FGF12: variants seen among roughly 807,000 people sequenced by gnomAD.
FGF12 encodes fibroblast growth factor 12, also known as fibroblast growth factor 12B.
In FGF12, 14 loss-of-function variants were observed where a neutral mutation model predicts 23.6. That is an observed-to-expected ratio of 0.59 (90% CI 0.39 to 0.93). The LOEUF (loss-of-function observed/expected upper bound fraction) is 0.93. FGF12 is among the 40% of genes least tolerant of loss of function. The pLI, the probability that FGF12 is intolerant of heterozygous loss-of-function variation, is 0.00. For missense variants in FGF12, 175 were observed against 217.8 expected (o/e 0.80, Z 1.24); for synonymous variants, 62 against 77.3 (o/e 0.80, Z 1.04).
intron 4 of FGF12, among the ~76,000 whole-genome samples, chr3:192,199,298 T>C (rs1717238165): frequency 6.6e-6 from 1 of 152,238 alleles, no homozygotes; most frequent in African/African-American, 2.4e-5. Context: ...GTAAGTGTAC[T>C]GAGTTGTGCT....
chr3:192,255,613 TCTA>T (rs1257655206), intron 4 of FGF12, among the ~76,000 whole-genome samples: 2 of 152,060 alleles, frequency 1.3e-5, no homozygotes, highest in Non-Finnish European at 2.9e-5. Context: ...AACCTAATCC[TCTA>T]CTATTATTTC....
rs73195138 is a variant in FGF12, at chr3:192,643,952, T to A, written c.13+83229A>T. On this transcript the variant is annotated intron_variant, in intron 2 of 5. Transcript: ENST00000445105. ...AATCACTGACACCCCACTTGAAGAG[T>A]AAACCAAGTGACTTCAGAACTTACA... 8.6e-3 allele frequency among the ~76,000 whole-genome samples: 1,307 copies of A among 152,220 alleles called. 11 individuals are homozygous for A. The highest frequency in any genetic ancestry group is 0.012 in the Non-Finnish European group (840 of 68,012).
At chr3:192,535,737 A>G (rs1309765276) in intron 2 of FGF12, among the ~76,000 whole-genome samples, 1 of 152,188 alleles carries the variant, frequency 6.6e-6, no homozygotes, top group African/African-American at 2.4e-5. Context: ...GGCACTACTG[A>G]ACTCTAAAAT....
intron 2 of FGF12, among the ~76,000 whole-genome samples, chr3:192,545,171 A>C (rs1030682671): frequency 1.3e-5 from 2 of 152,188 alleles, no homozygotes; most frequent in African/African-American, 2.4e-5. Context: ...TGCCTGGGGA[A>C]TCAAATACTA....
intron 2 of FGF12, among the ~76,000 whole-genome samples, chr3:192,545,842 C>T (rs1037376034): frequency 1.3e-5 from 2 of 152,156 alleles, no homozygotes; most frequent in African/African-American, 4.8e-5. Context: ...GACATTTGAG[C>T]TGTGGGCAAA....
At chr3:192,727,093 TCCC>T in intron 2 of FGF12, 85 bp downstream of exon 2, 1 of 1,489,686 alleles carries the variant, frequency 6.7e-7, no homozygotes, top group Non-Finnish European at 9.2e-7. Context: ...TGATGCTCGC[TCCC>T]CAAGCACTGC....
chr3:192,375,733 G>A (rs1213665458), intron 2 of FGF12, among the ~76,000 whole-genome samples: 3 of 150,872 alleles, frequency 2.0e-5, no homozygotes, highest in African/African-American at 4.9e-5. Context: ...GTGTAAAAAT[G>A]TCTCAGTGTT....
chr3:192,397,206 A>AT (rs1720561964), intron 2 of FGF12, among the ~76,000 whole-genome samples: 1 of 152,206 alleles, frequency 6.6e-6, no homozygotes, highest in South Asian at 2.1e-4. Flanking sequence ...GAGCTGCAGA[A>AT]TGTGGAGGCG....
At chr3:192,554,220 C>T (rs1473440614) in intron 2 of FGF12, among the ~76,000 whole-genome samples, 2 of 152,158 alleles carry the variant, frequency 1.3e-5, no homozygotes, top group African/African-American at 4.8e-5. Flanking sequence ...TTGGTGGTCT[C>T]TCCTTTGTGG....
chr3:192,510,859 G>C (rs1724448266), intron 2 of FGF12, among the ~76,000 whole-genome samples: 1 of 152,160 alleles, frequency 6.6e-6, no homozygotes, highest in Non-Finnish European at 1.5e-5. Flanking sequence ...CTAAGTGAAA[G>C]AAGTCAATAT....
intron 4 of FGF12, among the ~76,000 whole-genome samples, chr3:192,290,242 T>C (rs7620847): frequency 0.47 from 71,183 of 151,990 alleles, 17,851 homozygotes; most frequent in East Asian, 0.94. Context: ...TGTTAATTAG[T>C]TTGACTTATT....
chr3:192,715,198 T>C (rs1718829938), intron 2 of FGF12, among the ~76,000 whole-genome samples: 1 of 152,212 alleles, frequency 6.6e-6, no homozygotes. Flanking sequence ...TTTTGAAATG[T>C]AAATGAAATC....
intron 3 of FGF12, among the ~76,000 whole-genome samples, chr3:192,337,216 C>T (rs4687322): frequency 0.29 from 43,631 of 151,912 alleles, 10,100 homozygotes; most frequent in East Asian, 0.66. Flanking sequence ...TATATATATT[C>T]CCTATGTTAC....
At position 192,608,019 on chromosome 3, in the gene FGF12, T is replaced by C. The variant is rs184402866; in HGVS notation, c.13+119162A>G. On this transcript the variant is annotated intron_variant, in intron 2 of 5. Coordinates refer to ENST00000445105, the MANE Select transcript of FGF12 (RefSeq NM_004113.6). ...TGAGAAAACTGGATCATTGAGGCCA[T>C]TGTTAAGTGAAATAAGCCAGGCACA... Among the ~76,000 whole-genome samples the C allele has an allele frequency of 1.6e-4, 25 of 152,176 alleles. No homozygotes were observed. In the East Asian group the frequency reaches 4.6e-3, roughly 28 times the overall value.
chr3:192,675,531 T>C (rs1717298711), intron 2 of FGF12, among the ~76,000 whole-genome samples: 1 of 152,174 alleles, frequency 6.6e-6, no homozygotes, highest in Admixed American at 6.5e-5. Context: ...GCTCTCATCC[T>C]TAAAACCCTG....
chr3:192,588,142 G>A (rs1298473771), intron 2 of FGF12, among the ~76,000 whole-genome samples: 1 of 151,176 alleles, frequency 6.6e-6, no homozygotes. Flanking sequence ...TCAGGAGACC[G>A]AGACCATCCT....
At position 192,298,370 on chromosome 3, in the gene FGF12, A is replaced by C. The variant is rs1015543367; in HGVS notation, c.228+36991T>G. Among the ~76,000 whole-genome samples, 4 of 152,366 alleles carry C rather than the reference A, an allele frequency of 2.6e-5. No homozygotes were observed. The East Asian group carries it at 7.7e-4, about 29-fold the overall frequency. ...CAGGAAGGTCGGAGAACAAAAGAAGAAAGAAATATTTCTATTTGGTGAGTG... is the reference window on the plus strand; with the variant it reads ...CAGGAAGGTCGGAGAACAAAAGAAGCAAGAAATATTTCTATTTGGTGAGTG... On this transcript the variant is annotated intron_variant, in intron 4 of 5. Transcript: ENST00000445105.
intron 2 of FGF12, among the ~76,000 whole-genome samples, chr3:192,429,045 T>C (rs551456590): frequency 1.3e-5 from 2 of 152,220 alleles, no homozygotes; most frequent in African/African-American, 2.4e-5. Flanking sequence ...TGAATTTATT[T>C]TGGGCAAAAA....
chr3:192,619,673 CTTT>C (rs1361467286), intron 2 of FGF12, among the ~76,000 whole-genome samples: 1 of 152,102 alleles, frequency 6.6e-6, no homozygotes, highest in Admixed American at 6.6e-5. Context: ...ATGGGAAGTT[CTTT>C]GATTTTGCTT....
Sources: gnomAD v4.1 joint callset for allele counts (sites outside exome capture counted in the v4.1 genomes callset) on GRCh38, gnomAD v4.1.1 for gene constraint, MANE v1.5 for transcripts, NCBI Gene and HGNC (gene_info 2026-07-23, HGNC 2026-07-21) for gene names.